GPC6: variants seen among roughly 807,000 people sequenced by gnomAD.
GPC6 encodes glypican 6.
GPC6 carries 14 observed loss-of-function variants against 55.2 expected under a neutral mutation model. The observed-to-expected ratio is 0.25, with a 90% CI of 0.17 to 0.40. The LOEUF (loss-of-function observed/expected upper bound fraction) is 0.40, where lower values mean the gene tolerates loss of function less well. Ranked by LOEUF, GPC6 falls within the 10% of genes least tolerant of loss-of-function variation. GPC6 has a pLI of 1.00. For missense variants in GPC6, 641 were observed against 708.5 expected, an observed-to-expected ratio of 0.90 and a Z score of 1.08; for synonymous variants, 278 against 259.6, an observed-to-expected ratio of 1.07 and a Z score of -0.68.
intron 2 of GPC6, among the ~76,000 whole-genome samples, chr13:93,800,157 C>A (rs887601460): frequency 2.6e-5 from 4 of 152,132 alleles, no homozygotes; most frequent in Non-Finnish European, 5.9e-5. Flanking sequence ...CTCTCTTACT[C>A]AAGAGTACAT....
At chr13:94,019,309 A>AT (rs1184226231) in intron 3 of GPC6, among the ~76,000 whole-genome samples, 5 of 151,690 alleles carry the variant, frequency 3.3e-5, no homozygotes, top group African/African-American at 7.3e-5. Context: ...CTTTCCAGGG[A>AT]TTTTTTGTAT....
At chr13:93,657,041 G>C (rs1880703799) in intron 2 of GPC6, among the ~76,000 whole-genome samples, 1 of 152,080 alleles carries the variant, frequency 6.6e-6, no homozygotes, top group Non-Finnish European at 1.5e-5. Context: ...GCAATGTACA[G>C]ATTCAATGTT....
intron 2 of GPC6, among the ~76,000 whole-genome samples, chr13:93,615,601 G>T (rs1004909299): frequency 1.3e-5 from 2 of 152,110 alleles, no homozygotes; most frequent in South Asian, 2.1e-4. Context: ...TCCTGGAAAA[G>T]AAAACACCTG....
At chr13:93,371,949 A>G (rs547168669) in intron 1 of GPC6, among the ~76,000 whole-genome samples, 158 of 152,248 alleles carry the variant, frequency 1.0e-3, no homozygotes, top group African/African-American at 3.7e-3. Context: ...TTGTCCCATT[A>G]GCCAATTTTA....
intron 4 of GPC6, among the ~76,000 whole-genome samples, chr13:94,124,135 T>C (rs1186316768): frequency 6.6e-6 from 1 of 152,090 alleles, no homozygotes; most frequent in East Asian, 1.9e-4. Context: ...AAAAATAAAG[T>C]CCTTCCTAAA....
chr13:94,320,675 T>A (rs1326929753), intron 6 of GPC6, among the ~76,000 whole-genome samples: 1 of 152,200 alleles, frequency 6.6e-6, no homozygotes, highest in Non-Finnish European at 1.5e-5. Flanking sequence ...TAAGGTCATC[T>A]GGGTCTGAGG....
At chr13:93,243,598 G>A (rs371058348) in intron 1 of GPC6, among the ~76,000 whole-genome samples, 2 of 152,170 alleles carry the variant, frequency 1.3e-5, no homozygotes, top group Admixed American at 6.5e-5. Context: ...CAGGGGAGTG[G>A]TGTGGGCTCT....
At chr13:93,242,288 C>G (rs1450775737) in intron 1 of GPC6, among the ~76,000 whole-genome samples, 1 of 152,148 alleles carries the variant, frequency 6.6e-6, no homozygotes, top group East Asian at 1.9e-4. Flanking sequence ...GGTGCTACCT[C>G]AGCTCTACTA....
At chr13:94,153,692 T>A (rs976538663) in intron 4 of GPC6, among the ~76,000 whole-genome samples, 1 of 152,212 alleles carries the variant, frequency 6.6e-6, no homozygotes, top group African/African-American at 2.4e-5. Context: ...AGGAGTTAAA[T>A]GTGGACTAGG....
intron 1 of GPC6, among the ~76,000 whole-genome samples, chr13:93,372,667 CTTTTTAAA>C (rs926424024): frequency 4.6e-5 from 7 of 152,112 alleles, no homozygotes; most frequent in African/African-American, 1.7e-4. Flanking sequence ...CCCCCGTTCA[CTTTTTAAA>C]ATATGAATTC....
chr13:93,617,533 G>A (rs1481568743), intron 2 of GPC6, among the ~76,000 whole-genome samples: 2 of 152,100 alleles, frequency 1.3e-5, no homozygotes, highest in Non-Finnish European at 2.9e-5. Flanking sequence ...TTCTGAGGAT[G>A]TTAAGAAGCC....
chr13:94,086,916 T>C (rs1249758913), intron 4 of GPC6, among the ~76,000 whole-genome samples: 3 of 152,228 alleles, frequency 2.0e-5, no homozygotes, highest in Non-Finnish European at 4.4e-5. Context: ...ATCTTATTAG[T>C]GGTTCAGAAG....
chr13:93,238,785 G>T (rs1459142712), intron 1 of GPC6, among the ~76,000 whole-genome samples: 6 of 151,596 alleles, frequency 4.0e-5, no homozygotes, highest in South Asian at 2.1e-4. Flanking sequence ...TTTCTTGGGG[G>T]TTTTTTATCA....
intron 3 of GPC6, among the ~76,000 whole-genome samples, chr13:93,872,333 T>G (rs1470987542): frequency 6.6e-6 from 1 of 152,018 alleles, no homozygotes; most frequent in Non-Finnish European, 1.5e-5. Context: ...AAAGATCTGT[T>G]TTTATAATTA....
intron 1 of GPC6, among the ~76,000 whole-genome samples, chr13:93,228,392 CG>C (rs1171889801): frequency 6.6e-6 from 1 of 152,200 alleles, no homozygotes; most frequent in Non-Finnish European, 1.5e-5. Flanking sequence ...CCAACTTTAG[CG>C]GGTGGCTCAG....
At chr13:93,741,117 CTTTTTT>C (rs772541106) in intron 2 of GPC6, among the ~76,000 whole-genome samples, 3 of 77,182 alleles carry the variant, frequency 3.9e-5, no homozygotes, top group African/African-American at 5.1e-5. Flanking sequence ...CATCCAGAAT[CTTTTTT>C]TTTTTTTTTT....
chr13:94,104,314 A>G (rs990334255), intron 4 of GPC6, among the ~76,000 whole-genome samples: 3 of 152,076 alleles, frequency 2.0e-5, no homozygotes, highest in South Asian at 2.1e-4. Flanking sequence ...TTGATTGGAC[A>G]TATCTCAAAA....
At chr13:93,549,674 T>C (rs1248152103) in intron 2 of GPC6, among the ~76,000 whole-genome samples, 1 of 152,116 alleles carries the variant, frequency 6.6e-6, no homozygotes, top group East Asian at 1.9e-4. Context: ...CCTATCCCTC[T>C]ATCTCACCCT....
intron 1 of GPC6, among the ~76,000 whole-genome samples, chr13:93,473,683 G>A (rs867086588): frequency 6.6e-6 from 1 of 152,184 alleles, no homozygotes; most frequent in Non-Finnish European, 1.5e-5. Context: ...ACTCCTCTGT[G>A]CCTGACCATG....
Sources: gnomAD v4.1 joint callset for allele counts (sites outside exome capture counted in the v4.1 genomes callset) on GRCh38, gnomAD v4.1.1 for gene constraint, MANE v1.5 for transcripts, NCBI Gene and HGNC (gene_info 2026-07-23, HGNC 2026-07-21) for gene names.